CHST8: variants seen among roughly 807,000 people sequenced by gnomAD.
The protein encoded by CHST8 is GALNAC-4-ST1.
Under a neutral mutation model 15.0 loss-of-function variants are expected in CHST8, and 10 were observed. The ratio of observed to expected loss-of-function variants is 0.67; its 90% CI spans 0.41 to 1.13. The LOEUF is 1.13. Among genes scored for constraint, CHST8 ranks in the 50% most tolerant of loss-of-function variants. The probability of loss-of-function intolerance (pLI) is 0.00; values close to 1 mark genes in which losing one functional copy is unlikely to be tolerated. For missense variants in CHST8, 634 were observed against 608.2 expected (o/e 1.04, Z -0.45); for synonymous variants, 259 against 256.6 (o/e 1.01, Z -0.09).
chr19:33,746,738 G>C (rs1974320458), intron 3 of CHST8, among the ~76,000 whole-genome samples: 2 of 152,220 alleles, frequency 1.3e-5, no homozygotes, highest in African/African-American at 4.8e-5. Context: ...CTGCGAAGCA[G>C]GGGGCCTGAC....
intron 3 of CHST8, among the ~76,000 whole-genome samples, chr19:33,761,916 C>G (rs1974737741): frequency 6.6e-6 from 1 of 152,080 alleles, no homozygotes; most frequent in South Asian, 2.1e-4. Context: ...CTGCTGTAAG[C>G]CATGTGCCAT....
At chr19:33,630,645 CTACGA>C in intron 1 of CHST8, among the ~76,000 whole-genome samples, 1 of 151,828 alleles carries the variant, frequency 6.6e-6, no homozygotes, top group African/African-American at 2.4e-5. Flanking sequence ...AGCAGTCCGT[CTACGA>C]TGACGGAGCC....
At chr19:33,728,601 T>C (rs554064554) in intron 3 of CHST8, among the ~76,000 whole-genome samples, 6 of 152,234 alleles carry the variant, frequency 3.9e-5, no homozygotes, top group African/African-American at 1.4e-4. Context: ...TATTTGGGTG[T>C]GGTTCGATGA....
intron 1 of CHST8, among the ~76,000 whole-genome samples, chr19:33,664,659 A>T (rs1972631290): frequency 6.6e-6 from 1 of 152,030 alleles, no homozygotes; most frequent in Admixed American, 6.6e-5. Flanking sequence ...AAAAAAAATT[A>T]TACTGCCATT....
intron 1 of CHST8, among the ~76,000 whole-genome samples, chr19:33,659,617 C>G (rs928391828): frequency 6.6e-6 from 1 of 151,874 alleles, no homozygotes; most frequent in Admixed American, 6.6e-5. Flanking sequence ...CCTGCTTGAG[C>G]CCAGGAGTTG....
intron 1 of CHST8, among the ~76,000 whole-genome samples, chr19:33,622,505 G>A (rs1221663782): frequency 6.6e-6 from 1 of 152,194 alleles, no homozygotes; most frequent in Admixed American, 6.5e-5. Context: ...CCCCGGTAGC[G>A]GGAACTTTAA....
At chr19:33,744,709 T>G (rs564545722) in intron 3 of CHST8, among the ~76,000 whole-genome samples, 33 of 152,000 alleles carry the variant, frequency 2.2e-4, no homozygotes, top group Non-Finnish European at 7.4e-5. Context: ...CAACCACAGG[T>G]GTGCACCACA....
chr19:33,666,586 G>A (rs1476337414), intron 1 of CHST8, among the ~76,000 whole-genome samples: 1 of 152,242 alleles, frequency 6.6e-6, no homozygotes, highest in Non-Finnish European at 1.5e-5. Context: ...GCCGGGAGAG[G>A]TGGGAGAGTG....
intron 1 of CHST8, among the ~76,000 whole-genome samples, chr19:33,634,153 T>A (rs1972160809): frequency 6.6e-6 from 1 of 152,200 alleles, no homozygotes; most frequent in African/African-American, 2.4e-5. Context: ...GGGGTCGTAC[T>A]GATGTTTCCA....
chr19:33,663,372 C>T (rs1972610100), intron 1 of CHST8, among the ~76,000 whole-genome samples: 1 of 152,042 alleles, frequency 6.6e-6, no homozygotes, highest in South Asian at 2.1e-4. Flanking sequence ...CGAAATGAGC[C>T]CGGGCAACAT....
Position 33,772,093 on chromosome 19 carries a change from G to A in CHST8, c.305G>A (p.Gly102Glu). 1 of 1,612,096 alleles carries A rather than the reference G, an allele frequency of 6.2e-7. No individual in the cohort carries two copies. Among genetic ancestry groups the A allele is most frequent in the African/African-American group, 1.3e-5 (1 of 75,048 alleles). Residue 102 changes from glycine to glutamate, a missense_variant, in exon 5 of 5, where the codon GGA becomes GAA. Coordinates refer to ENST00000650847, the MANE Select transcript of CHST8 (RefSeq NM_001127895.2). ...PDQPQPPLQR[G>E]TRLRLRQRRR... Reference sequence around the variant, plus strand: ...CAGCCTCAACCCCCGCTGCAGAGGGGAACCCGTCTGCGGCTCCGCCAGCGC... The same window carrying A: ...CAGCCTCAACCCCCGCTGCAGAGGGAAACCCGTCTGCGGCTCCGCCAGCGC...
At chr19:33,712,190 T>C (rs879710742) in intron 3 of CHST8, among the ~76,000 whole-genome samples, 1 of 152,212 alleles carries the variant, frequency 6.6e-6, no homozygotes, top group Non-Finnish European at 1.5e-5. Context: ...TAGAGCCCAC[T>C]CCTAGAGCTG....
chr19:33,636,712 C>G (rs1397235600), intron 1 of CHST8, among the ~76,000 whole-genome samples: 1 of 152,140 alleles, frequency 6.6e-6, no homozygotes, highest in African/African-American at 2.4e-5. Flanking sequence ...ACGAGCCCGG[C>G]TAACATGGTG....
chr19:33,748,786 C>T (rs1974359994), intron 3 of CHST8, among the ~76,000 whole-genome samples: 1 of 152,222 alleles, frequency 6.6e-6, no homozygotes, highest in Non-Finnish European at 1.5e-5. Flanking sequence ...GAGGCTCTCA[C>T]AGCTCAGATC....
chr19:33,675,770 G>A (rs1402927781), intron 2 of CHST8, among the ~76,000 whole-genome samples: 1 of 152,244 alleles, frequency 6.6e-6, no homozygotes, highest in Non-Finnish European at 1.5e-5. Context: ...TCACAGAGCT[G>A]TAGGAACCAG....
At chr19:33,672,351 C>T (rs1020157918) in intron 2 of CHST8, among the ~76,000 whole-genome samples, 2 of 152,064 alleles carry the variant, frequency 1.3e-5, no homozygotes, top group African/African-American at 4.8e-5. Context: ...GCGCACACCA[C>T]CACACCCAGC....
At chr19:33,691,163 C>G (rs1265995650) in intron 3 of CHST8, among the ~76,000 whole-genome samples, 2 of 152,324 alleles carry the variant, frequency 1.3e-5, no homozygotes, top group East Asian at 3.9e-4. Context: ...TGCCCAGCTT[C>G]CCGAGTGCAC....
chr19:33,655,445 G>A (rs1000099522), intron 1 of CHST8, among the ~76,000 whole-genome samples: 5 of 152,268 alleles, frequency 3.3e-5, no homozygotes, highest in Admixed American at 6.5e-5. Flanking sequence ...AGGGTTATGT[G>A]TTATTCATAA....
At chr19:33,655,059 C>A (rs539671059) in intron 1 of CHST8, among the ~76,000 whole-genome samples, 46 of 152,268 alleles carry the variant, frequency 3.0e-4, no homozygotes, top group Admixed American at 1.2e-3. Context: ...AGGAGTCTGA[C>A]AGGGTCTGGC....
Sources: allele counts gnomAD v4.1 joint callset (sites outside exome capture counted in the v4.1 genomes callset), GRCh38; gene constraint gnomAD v4.1.1; transcripts MANE v1.5; gene names NCBI Gene and HGNC (gene_info 2026-07-23, HGNC 2026-07-21).